Variants in SLC26A11 observed in about 807,000 individuals in gnomAD.
The protein encoded by SLC26A11 is sodium-independent sulfate anion transporter.
SLC26A11 carries 58 observed loss-of-function variants against 62.2 expected under a neutral mutation model. That is an observed-to-expected ratio of 0.93 (90% CI 0.76 to 1.16). The LOEUF (loss-of-function observed/expected upper bound fraction) is 1.16, where lower values mean the gene tolerates loss of function less well. SLC26A11 is among the 50% of genes most tolerant of loss of function. The probability of loss-of-function intolerance (pLI) is 0.00; values close to 1 mark genes in which losing one functional copy is unlikely to be tolerated. For missense variants in SLC26A11, 790 were observed against 794.3 expected (o/e 0.99, Z 0.06); for synonymous variants, 411 against 368.9 (o/e 1.11, Z -1.31).
intron 10 of SLC26A11, among the ~76,000 whole-genome samples, chr17:80,243,231 C>T (rs1472964272): frequency 2.0e-5 from 3 of 152,190 alleles, no homozygotes; most frequent in African/African-American, 7.2e-5. Flanking sequence ...CCGGGCTTCT[C>T]TCTGAGCCAT....
At chr17:80,234,960 C>A (rs1239128789) in intron 7 of SLC26A11, among the ~76,000 whole-genome samples, 1 of 151,720 alleles carries the variant, frequency 6.6e-6, no homozygotes, top group Non-Finnish European at 1.5e-5. Flanking sequence ...AGTGGTTTTC[C>A]TGCCTCAGCC....
At chr17:80,231,185 G>A (rs1288982792) in intron 7 of SLC26A11, among the ~76,000 whole-genome samples, 3 of 138,520 alleles carry the variant, frequency 2.2e-5, no homozygotes, top group African/African-American at 8.2e-5. Flanking sequence ...TTTTTGAGAC[G>A]GAGTTTCGCT....
chr17:80,242,828 C>G (rs1304811972), intron 10 of SLC26A11, among the ~76,000 whole-genome samples: 2 of 152,180 alleles, frequency 1.3e-5, no homozygotes, highest in Non-Finnish European at 2.9e-5. Context: ...CCTGCCTCAG[C>G]CTCCCGAGTA....
In SLC26A11 at chr17:80,222,649, C is replaced by G. The variant is rs750678876; in HGVS notation, c.235-6C>G. The G allele has an allele frequency of 1.1e-5, 17 of 1,612,990 alleles. No individual in the cohort carries two copies. On this transcript the variant is annotated splice_polypyrimidine_tract_variant and splice_region_variant and intron_variant, in intron 3 of 17. Transcript: ENST00000361193. This position sits in a 1 kb window ranked among gnomAD's most constrained non-coding sequence, Gnocchi z 4.7. ...CCTGAGTGCTCACCACCCTCTCTCC[C>G]CACAGTATGGCCTCTACTCTGCCTT...
chr17:80,225,937 C>G (rs768228258), intron 6 of SLC26A11, 21 bp downstream of exon 6: 25 of 1,609,372 alleles, frequency 1.6e-5, no homozygotes, highest in African/African-American at 2.7e-5. Flanking sequence ...CTTTGTTCCT[C>G]CCTCCTATAA....
chr17:80,237,036 C>T lies in SLC26A11; in HGVS notation c.845C>T (p.Pro282Leu), dbSNP rs766024195. The stretch of plus-strand genomic sequence containing the variant: ...GGGGAGACAGCTGAGGGGCTCCCTC[C>T]AGTCCGGATCCCGCCCTTCTCAGTG... ...LTGETAEGLP[P>L]VRIPPFSVTT... The change falls in exon 8 of 18, where the codon CCA becomes CTA. Residue 282 changes from proline to leucine, a missense_variant. Transcript: ENST00000361193. 2.5e-6 allele frequency: 4 copies of T among 1,614,130 alleles called. No homozygotes were observed. Among genetic ancestry groups the T allele is most frequent in the East Asian group, 4.5e-5 (2 of 44,866 alleles).
At chr17:80,236,770 A>T (rs79955395) in intron 7 of SLC26A11, 158 bp from the exon 8 acceptor site, 76,124 of 752,436 alleles carry the variant, frequency 0.1, 5,462 homozygotes, top group African/African-American at 0.29. Context: ...CATAGCATTT[A>T]TGTCTGTGTT....
At chr17:80,249,042 G>C in intron 15 of SLC26A11, 112 bp from the exon 16 acceptor site, 1 of 1,342,776 alleles carries the variant, frequency 7.4e-7, no homozygotes, top group Non-Finnish European at 9.9e-7. Flanking sequence ...CCACGAGATG[G>C]AGCACTCTGG....
In SLC26A11 at chr17:80,237,551, C is replaced by T; in HGVS notation, c.942C>T (p.Pro314=). The change falls in exon 9 of 18, where the codon CCC becomes CCT. Residue 314 remains proline (P), a synonymous_variant. Transcript: ENST00000361193. ...QDMGAGLAVV[P]LMGLLESIAV... The stretch of plus-strand genomic sequence containing the variant: ...TGGGAGCCGGGCTGGCCGTGGTGCC[C>T]CTGATGGGCCTCCTGGAGAGCATTG... 1.9e-6 allele frequency: 3 copies of T among 1,612,002 alleles called. No homozygotes were observed. The highest frequency in any genetic ancestry group is 1.7e-6 in the Non-Finnish European group (2 of 1,179,310).
chr17:80,248,697 G>A, intron 15 of SLC26A11, 23 bp downstream of exon 15: 1 of 1,551,360 alleles, frequency 6.4e-7, no homozygotes, highest in Non-Finnish European at 8.7e-7. Flanking sequence ...GGGTCAAGGT[G>A]GTCTGAGGTC....
At chr17:80,234,581 G>C (rs148475709) in intron 7 of SLC26A11, among the ~76,000 whole-genome samples, 1 of 151,824 alleles carries the variant, frequency 6.6e-6, no homozygotes, top group Non-Finnish European at 1.5e-5. Flanking sequence ...CCATCTTTTC[G>C]TGAAATCTTT....
At chr17:80,245,725 G>A (rs2042976361) in intron 11 of SLC26A11, among the ~76,000 whole-genome samples, 1 of 152,240 alleles carries the variant, frequency 6.6e-6, no homozygotes, top group Admixed American at 6.5e-5. Flanking sequence ...GCTCTGTCCT[G>A]AAGCAGCCGG....
chr17:80,249,022 G>T, intron 15 of SLC26A11, 132 bp from the exon 16 acceptor site: 1 of 1,157,324 alleles, frequency 8.6e-7, no homozygotes, highest in Non-Finnish European at 1.2e-6. Flanking sequence ...CCAACTGGGC[G>T]ACTCAGCCGC....
intron 9 of SLC26A11, 110 bp downstream of exon 9, chr17:80,237,704 A>C (rs1296467270): frequency 1.0e-6 from 1 of 992,338 alleles, no homozygotes; most frequent in Non-Finnish European, 1.5e-6. Context: ...ATTTGAATTC[A>C]TATCCAAGTA....
In SLC26A11 at chr17:80,246,325, G is replaced by A. The variant is rs2042995391; in HGVS notation, c.1153+116G>A. Reference sequence around the variant, plus strand: ...GGCCGTGCGCCCCGGGACTGCACAGGGACTTGGGGGGCCACACAGGAGTAG... The same window carrying A: ...GGCCGTGCGCCCCGGGACTGCACAGAGACTTGGGGGGCCACACAGGAGTAG... On this transcript the variant is annotated intron_variant, in intron 12 of 17. Transcript: ENST00000361193. The surrounding 1 kb of genome is among the most constrained non-coding windows in gnomAD (Gnocchi z 4.4). 2.1e-6 allele frequency: 3 copies of A among 1,434,690 alleles called. No individual in the cohort carries two copies. Among genetic ancestry groups the A allele is most frequent in the Admixed American group, 2.1e-5 (1 of 47,290 alleles). 88.9% of individuals were successfully genotyped at this position (1,434,690 alleles called of 1,614,324 possible).
chr17:80,224,476 T>A (rs532015967), intron 5 of SLC26A11, among the ~76,000 whole-genome samples: 1 of 152,100 alleles, frequency 6.6e-6, no homozygotes, highest in South Asian at 2.1e-4. Context: ...TGTGTGAGTG[T>A]GAGAATAAAG....
intron 15 of SLC26A11, 85 bp from the exon 16 acceptor site, chr17:80,249,069 C>T (rs1460415406): frequency 1.7e-5 from 26 of 1,496,834 alleles, no homozygotes; most frequent in Non-Finnish European, 2.2e-5. Flanking sequence ...TGTCCCCTGC[C>T]CCTGGCCAGA....
Position 80,222,785 on chromosome 17 carries a change from A to T in SLC26A11, c.365A>T (p.Tyr122Phe). The change falls in exon 4 of 18, where the codon TAC (tyrosine) becomes TTC (phenylalanine). Residue 122 changes from tyrosine to phenylalanine, a missense_variant. Physicochemically the swap from Tyr to Phe is conservative, Grantham distance 22. Coordinates refer to ENST00000361193, the MANE Select transcript of SLC26A11 (RefSeq NM_001166347.2). This position sits in a 1 kb window ranked among gnomAD's most constrained non-coding sequence, Gnocchi z 4.7. ...VSFYTFHEPA[Y>F]AVLLAFLSGC... is the part of the protein sequence containing the mutation. The stretch of plus-strand genomic sequence containing the variant: ...TTCTACACCTTCCATGAGCCCGCCT[A>T]CGCTGTGCTGCTGGCCTTCCTGTCC... 1 of 1,614,154 alleles carries T rather than the reference A, an allele frequency of 6.2e-7. No homozygotes were observed. The highest frequency in any genetic ancestry group is 8.5e-7 in the Non-Finnish European group (1 of 1,180,032).
rs11650213 is a variant in SLC26A11 at position 80,231,158 on chromosome 17, T to C, written c.736+3198T>C. 3.3e-4 allele frequency among the ~76,000 whole-genome samples: 18 copies of C among 54,752 alleles called. No homozygotes were observed. In the East Asian group the frequency reaches 7.3e-3, roughly 22 times the overall value. The allele number at this position is 54,752 out of a possible 152,430, so 35.9% of individuals were successfully genotyped here. A position where few individuals can be genotyped will look rare whatever the true frequency, so the allele number is the denominator to read the frequency against. ...ACTTTATCCTTTTTTTTTTTTTTTT[T>C]CAAAAAAAATTTTTTTTTTTTGAGA... On this transcript the variant is annotated intron_variant, in intron 7 of 17. Transcript: ENST00000361193.
Sources: allele counts gnomAD v4.1 joint callset (sites outside exome capture counted in the v4.1 genomes callset), GRCh38; gene constraint gnomAD v4.1.1; non-coding constraint Gnocchi (gnomAD v3.1); transcripts MANE v1.5; gene names NCBI Gene and HGNC (gene_info 2026-07-23, HGNC 2026-07-21).